TOM1L1: variants seen among roughly 807,000 people sequenced by gnomAD.
TOM1L1 encodes TOM1-like protein 1.
In TOM1L1, 64 loss-of-function variants were observed where a neutral mutation model predicts 63.4. The ratio of observed to expected loss-of-function variants is 1.01; its 90% CI spans 0.83 to 1.24. The LOEUF (loss-of-function observed/expected upper bound fraction) is 1.24, where lower values mean the gene tolerates loss of function less well. TOM1L1 is among the 50% of genes most tolerant of loss of function. The pLI, the probability that TOM1L1 is intolerant of heterozygous loss-of-function variation, is 0.00. For missense variants in TOM1L1, 536 were observed against 567.0 expected (o/e 0.95, Z 0.55); for synonymous variants, 166 against 194.4 (o/e 0.85, Z 1.22).
In TOM1L1 at chr17:54,931,956, TTTTG is replaced by T. The variant is rs1555610418; in HGVS notation, c.854+1770_854+1773del. Among the ~76,000 whole-genome samples, 348 of 130,306 alleles carry T rather than the reference TTTTG, an allele frequency of 2.7e-3. 3 individuals carry two copies. The highest frequency in any genetic ancestry group is 4.6e-3 in the Non-Finnish European group (279 of 60,796). 85.5% of individuals were successfully genotyped at this position (130,306 alleles called of 152,430 possible). A position where few individuals can be genotyped will look rare whatever the true frequency, so the allele number is the denominator to read the frequency against. On this transcript the variant is annotated intron_variant, in intron 8 of 15. Coordinates refer to ENST00000575882, the MANE Select transcript of TOM1L1 (RefSeq NM_005486.3). ...TCTTTTTCTTTTTTCTTCGTTTTTT[TTTTG>T]TTTGTTTGTTTGTTTGTTTTTTTGA...
In TOM1L1 at chr17:54,961,358, T is replaced by C; in HGVS notation, c.*125T>C. Reference sequence around the variant, plus strand: ...ACATGTCAAAGCCATGGTGGCACATTTCTGCTATAATGAAGATTAAATAGA... The same window carrying C: ...ACATGTCAAAGCCATGGTGGCACATCTCTGCTATAATGAAGATTAAATAGA... On this transcript the variant is annotated 3_prime_UTR_variant, in exon 16 of 16. Transcript: ENST00000575882. 1 of 1,551,244 alleles carries C rather than the reference T, an allele frequency of 6.4e-7. No individual in the cohort carries two copies. The highest frequency in any genetic ancestry group is 1.2e-5 in the South Asian group (1 of 84,036).
chr17:54,917,226 A>T (rs2048605386), intron 7 of TOM1L1: 4 of 152,118 alleles, frequency 2.6e-5, no homozygotes, highest in African/African-American at 9.7e-5. Context: ...CTCCTACTTT[A>T]AATATTGACT....
At position 54,961,270 on chromosome 17, in the gene TOM1L1, G is replaced by A; in HGVS notation, c.*37G>A. ...ATGATCAGCTCACTACCACATCAAA[G>A]GTGCCAACTCTCTAAAACGTAGACT... On this transcript the variant is annotated 3_prime_UTR_variant, in exon 16 of 16. Coordinates refer to ENST00000575882, the MANE Select transcript of TOM1L1 (RefSeq NM_005486.3). The A allele has an allele frequency of 1.3e-6, 2 of 1,551,268 alleles. No individual in the cohort carries two copies. Among genetic ancestry groups the A allele is most frequent in the Non-Finnish European group, 1.7e-6 (2 of 1,146,664 alleles).
intron 3 of TOM1L1, among the ~76,000 whole-genome samples, chr17:54,910,232 G>A (rs546791389): frequency 5.1e-4 from 77 of 152,314 alleles, no homozygotes; most frequent in African/African-American, 1.9e-3. Flanking sequence ...GGGGTGGATG[G>A]ATCACTTGAG....
intron 7 of TOM1L1, chr17:54,916,985 C>CT: frequency 6.6e-6 from 1 of 152,282 alleles, no homozygotes; most frequent in East Asian, 1.9e-4. Context: ...CCCACTAATG[C>CT]TGATAGAAGT....
intron 10 of TOM1L1, 109 bp from the exon 11 acceptor site, chr17:54,938,814 CT>C (rs367763035): frequency 1.8e-3 from 978 of 545,288 alleles, no homozygotes; most frequent in African/African-American, 3.0e-3. Flanking sequence ...GTGGGTTTTT[CT>C]TTTTTTTTTC....
chr17:54,957,343 A>G (rs1181555337), intron 14 of TOM1L1: 1 of 152,238 alleles, frequency 6.6e-6, no homozygotes, highest in African/African-American at 2.4e-5. Context: ...TCTGCCTGAT[A>G]GAGTAGATAT....
chr17:54,914,789 T>C, intron 6 of TOM1L1, 46 bp downstream of exon 6: 1 of 1,433,556 alleles, frequency 7.0e-7, no homozygotes, highest in African/African-American at 1.4e-5. Context: ...TTTCCTGATT[T>C]GTAAGCACCT....
At chr17:54,956,137 A>G (rs2049490064) in intron 14 of TOM1L1, among the ~76,000 whole-genome samples, 1 of 152,194 alleles carries the variant, frequency 6.6e-6, no homozygotes, top group Admixed American at 6.5e-5. Context: ...ACTCTCCATG[A>G]GAACACAGGT....
intron 8 of TOM1L1, among the ~76,000 whole-genome samples, chr17:54,934,487 A>G (rs534004524): frequency 6.6e-6 from 1 of 152,250 alleles, no homozygotes; most frequent in Non-Finnish European, 1.5e-5. Context: ...GCGTTACTGT[A>G]TCTATCACAG....
At chr17:54,915,427 T>A (rs2048570761) in intron 6 of TOM1L1, among the ~76,000 whole-genome samples, 1 of 152,180 alleles carries the variant, frequency 6.6e-6, no homozygotes, top group African/African-American at 2.4e-5. Context: ...TCCAGGTTTC[T>A]GGTACCTTCT....
At chr17:54,943,002 G>A (rs570426794) in intron 11 of TOM1L1, among the ~76,000 whole-genome samples, 1 of 152,212 alleles carries the variant, frequency 6.6e-6, no homozygotes, top group South Asian at 2.1e-4. Context: ...TCATGCATTC[G>A]GCTATGTTGG....
intron 8 of TOM1L1, among the ~76,000 whole-genome samples, chr17:54,932,292 A>G (rs1190906055): frequency 6.6e-6 from 1 of 152,168 alleles, no homozygotes; most frequent in Non-Finnish European, 1.5e-5. Context: ...TAGAGGCTGC[A>G]TGCACTGGTA....
intron 7 of TOM1L1, among the ~76,000 whole-genome samples, chr17:54,927,904 G>C (rs1197144588): frequency 1.3e-5 from 2 of 152,176 alleles, no homozygotes; most frequent in Non-Finnish European, 2.9e-5. Context: ...TCTGTCTCTT[G>C]AAAGGGCAAA....
intron 7 of TOM1L1, among the ~76,000 whole-genome samples, chr17:54,920,358 A>C (rs2048664065): frequency 6.6e-6 from 1 of 152,184 alleles, no homozygotes; most frequent in Non-Finnish European, 1.5e-5. Context: ...AAACCAACCA[A>C]TATTCACAAT....
chr17:54,907,657 A>G (rs1343877551), intron 3 of TOM1L1, among the ~76,000 whole-genome samples: 1 of 152,168 alleles, frequency 6.6e-6, no homozygotes, highest in African/African-American at 2.4e-5. Context: ...TCAAGGGCTA[A>G]TGGAAGGTAC....
intron 7 of TOM1L1, among the ~76,000 whole-genome samples, chr17:54,918,319 C>G (rs1267391710): frequency 6.6e-6 from 1 of 152,306 alleles, no homozygotes; most frequent in African/African-American, 2.4e-5. Flanking sequence ...GGTCATTTCT[C>G]CTATATCCAT....
intron 14 of TOM1L1, chr17:54,956,820 AGTGACAG>A (rs2049531513): frequency 6.6e-6 from 1 of 151,738 alleles, no homozygotes; most frequent in Non-Finnish European, 1.5e-5. Flanking sequence ...AAAGCAGGAA[AGTGACAG>A]GAGGGTTTTA....
At chr17:54,937,018 A>G in intron 9 of TOM1L1, 91 bp from the exon 10 acceptor site, 3 of 1,090,606 alleles carry the variant, frequency 2.8e-6, no homozygotes, top group East Asian at 2.4e-5. Flanking sequence ...ATGCATCCAA[A>G]TAGGATCCTC....
Sources: gnomAD v4.1 joint callset for allele counts (sites outside exome capture counted in the v4.1 genomes callset) on GRCh38, gnomAD v4.1.1 for gene constraint, MANE v1.5 for transcripts, NCBI Gene and HGNC (gene_info 2026-07-23, HGNC 2026-07-21) for gene names.